Variants in RIF1 observed in about 807,000 individuals in gnomAD.
The protein encoded by RIF1 is telomere-associated protein RIF1.
Under a neutral mutation model 247.1 loss-of-function variants are expected in RIF1, and 45 were observed. The observed-to-expected ratio is 0.18, with a 90% CI of 0.14 to 0.23. The LOEUF is 0.23. Ranked by LOEUF, RIF1 falls within the 10% of genes least tolerant of loss-of-function variation. The pLI is 1.00. For synonymous variants in RIF1, 1,087 were observed against 978.8 expected (o/e 1.11, Z -2.06); for missense variants, 2,967 against 2,862.5 (o/e 1.04, Z -0.83).
intron 16 of RIF1, among the ~76,000 whole-genome samples, 153 bp downstream of exon 16, chr2:151,442,144 C>T (rs1222165090): frequency 6.6e-6 from 1 of 150,854 alleles, no homozygotes; most frequent in African/African-American, 2.4e-5. Flanking sequence ...GGCACGATCT[C>T]GGCTCACTGC....
the RIF1 span, among the ~76,000 whole-genome samples, chr2:151,532,976 C>T: frequency 0.01 from 1,548 of 152,134 alleles, 33 homozygotes; most frequent in African/African-American, 0.035. Context: ...AGTCAAGAGG[C>T]GCCATGAATA....
Position 151,465,277 on chromosome 2 carries a change from G to A in RIF1, c.5757G>A (p.Leu1919=). The change falls in exon 30 of 36, where the codon TTG becomes TTA. Residue 1919 remains leucine, a synonymous_variant. Coordinates refer to ENST00000444746, the MANE Select transcript of RIF1 (RefSeq NM_018151.5). ...TAGAGAAAGCAAAAACTATGGAATT[G>A]AATGTAGGAAATGAAGCTAGCTTTC... is the stretch of plus-strand genomic sequence containing the variant. ...SNLEKAKTME[L]NVGNEASFHG... is the part of the protein sequence containing the mutation. 4 of 1,611,974 alleles carry A rather than the reference G, an allele frequency of 2.5e-6. No homozygotes were observed. The highest frequency in any genetic ancestry group is 3.4e-6 in the Non-Finnish European group (4 of 1,179,522).
intron 23 of RIF1, among the ~76,000 whole-genome samples, chr2:151,457,498 A>G (rs1044786357): frequency 6.6e-6 from 1 of 152,250 alleles, no homozygotes; most frequent in Non-Finnish European, 1.5e-5. Context: ...GAACGTATGT[A>G]GGTAACTATT....
chr2:151,429,902 A>C (rs1689765541), intron 9 of RIF1, among the ~76,000 whole-genome samples: 1 of 152,258 alleles, frequency 6.6e-6, no homozygotes, highest in African/African-American at 2.4e-5. Flanking sequence ...TATGTTTACA[A>C]GAGCTGCTAA....
intron 10 of RIF1, chr2:151,497,415 A>G: frequency 1.0e-6 from 1 of 977,428 alleles, no homozygotes; most frequent in Non-Finnish European, 1.2e-6. Context: ...TGAAAATACC[A>G]GATGAAATAA....
chr2:151,468,259 T>A, intron 31 of RIF1, 113 bp downstream of exon 31: 1 of 1,090,440 alleles, frequency 9.2e-7, no homozygotes, highest in Non-Finnish European at 1.3e-6. Flanking sequence ...TGGTTTAAAA[T>A]ATATTCTTTT....
the RIF1 span, chr2:151,520,029 T>G: frequency 4.6e-6 from 1 of 218,092 alleles, no homozygotes; most frequent in Non-Finnish European, 8.3e-6. Context: ...CACCTCTTTC[T>G]AATGCAAAAC....
chr2:151,508,524 G>C (rs539015767), downstream of RIF1, among the ~76,000 whole-genome samples: 1 of 152,148 alleles, frequency 6.6e-6, no homozygotes, highest in Non-Finnish European at 1.5e-5. Context: ...GGAGGGTTAA[G>C]AGTCAAAGAC....
At position 151,461,483 on chromosome 2, in the gene RIF1, C is replaced by A. The variant is rs186704629; in HGVS notation, c.3227+194C>A. On this transcript the variant is annotated intron_variant, in intron 27 of 35. Coordinates refer to ENST00000444746, the MANE Select transcript of RIF1 (RefSeq NM_018151.5). ...CTCGGCTCACTGCAAGCTCCGCCTC[C>A]CAGGTTCACGCTATTCTCCTGCCTC... Among the ~76,000 whole-genome samples, 371 of 151,936 alleles carry A rather than the reference C, an allele frequency of 2.4e-3. 1 individual carries two copies. Among genetic ancestry groups the A allele is most frequent in the Non-Finnish European group, 3.9e-3 (267 of 67,932 alleles).
Position 151,468,726 on chromosome 2 carries a change from T to C in RIF1, c.6911T>C (p.Ile2304Thr). The C allele has an allele frequency of 6.2e-7, 1 of 1,613,442 alleles. No individual in the cohort carries two copies. Among genetic ancestry groups the C allele is most frequent in the South Asian group, 1.1e-5 (1 of 91,058 alleles). ...GTGAACTGTGTGGCACCAGTTGACA[T>C]CATTTTACCTCAGATTACATCAAAC... Reference protein sequence around the residue: ...PLVNCVAPVDIILPQITSNMW... With the variant: ...PLVNCVAPVDTILPQITSNMW... The change falls in exon 33 of 36, where the codon ATC becomes ACC. Residue 2304 changes from isoleucine to threonine, a missense_variant. Around this residue, in one of 7 missense-constraint regions of RIF1, gnomAD observed 2,028 missense variants for 1,825.6 expected, o/e 1.11. Transcript: ENST00000444746.
At chr2:151,526,227 T>C in the RIF1 span, 1 of 1,613,432 alleles carries the variant, frequency 6.2e-7, no homozygotes, top group Admixed American at 1.7e-5. Flanking sequence ...CATGGCAGGT[T>C]CCTCTTTCCT....
intron 11 of RIF1, chr2:151,502,983 T>C (rs1044694703): frequency 1.7e-5 from 12 of 695,528 alleles, no homozygotes; most frequent in African/African-American, 3.7e-5. Context: ...GAGGAGGCAG[T>C]TTTTTAGTAA....
the RIF1 span, chr2:151,531,219 A>T: frequency 1.4e-6 from 1 of 694,796 alleles, no homozygotes; most frequent in Non-Finnish European, 2.5e-6. Context: ...TATGAATTTG[A>T]CAGGTGCTTT....
chr2:151,468,206 GATGTGTCATAAA>G, intron 31 of RIF1, 60 bp downstream of exon 31: 1 of 1,423,362 alleles, frequency 7.0e-7, no homozygotes, highest in South Asian at 1.3e-5. Flanking sequence ...ACATGTACAT[GATGTGTCATAAA>G]ATGAACTATA....
the RIF1 span, among the ~76,000 whole-genome samples, chr2:151,518,099 C>G: frequency 4.6e-5 from 7 of 152,128 alleles, no homozygotes; most frequent in East Asian, 1.3e-3. Flanking sequence ...TGCTTCCAGC[C>G]CCTGCCAGTA....
downstream of RIF1, among the ~76,000 whole-genome samples, chr2:151,509,086 G>C (rs1575552327): frequency 6.6e-6 from 1 of 152,286 alleles, no homozygotes; most frequent in African/African-American, 2.4e-5. Flanking sequence ...AAACTATTCT[G>C]TCTGTCTCTA....
chr2:151,505,649 G>C, intron 12 of RIF1: 1 of 1,204,488 alleles, frequency 8.3e-7, no homozygotes, highest in Non-Finnish European at 1.2e-6. Flanking sequence ...CATGTTTTTT[G>C]TAGCCCCCAA....
At chr2:151,447,870 T>G (rs528203624) in intron 20 of RIF1, among the ~76,000 whole-genome samples, 6 of 152,198 alleles carry the variant, frequency 3.9e-5, no homozygotes, top group Admixed American at 1.3e-4. Context: ...GGACATTTTG[T>G]TTTTTTCTAT....
At chr2:151,512,179 T>C (rs2075005478), downstream of RIF1, among the ~76,000 whole-genome samples, 2 of 151,916 alleles carry the variant, frequency 1.3e-5, no homozygotes, top group African/African-American at 4.8e-5. Context: ...TACAGGTGCC[T>C]GCCACCACGC....
Sources: gnomAD v4.1 joint callset for allele counts (sites outside exome capture counted in the v4.1 genomes callset) on GRCh38, gnomAD v4.1.1 for gene constraint, gnomAD v4.1.1 regional missense constraint, MANE v1.5 for transcripts, NCBI Gene and HGNC (gene_info 2026-07-23, HGNC 2026-07-21) for gene names.